PAQR8: variants seen among roughly 807,000 people sequenced by gnomAD.
PAQR8 encodes the protein membrane progestin receptor beta.
In PAQR8, 17 loss-of-function variants were observed where a neutral mutation model predicts 25.2. The ratio of observed to expected loss-of-function variants is 0.67; its 90% confidence interval spans 0.46 to 1.01. PAQR8 has a LOEUF of 1.01. Among genes scored for constraint, PAQR8 ranks in the 50% least tolerant of loss-of-function variants. PAQR8 has a pLI of 0.00. For missense variants in PAQR8, 392 were observed against 448.4 expected, an observed-to-expected ratio of 0.87 and a Z score of 1.14; for synonymous variants, 204 against 190.6, an observed-to-expected ratio of 1.07 and a Z score of -0.58.
rs1054910371 is a variant in PAQR8, at chr6:52,362,479, G to A, written c.-53+230G>A. On this transcript the variant is annotated intron_variant, in intron 1 of 1. Coordinates refer to ENST00000442253, the MANE Select transcript of PAQR8 (RefSeq NM_133367.5). The surrounding 1 kb of genome is among the most constrained non-coding windows in gnomAD (Gnocchi z 4.1). ...TGAGTCTCCGAATCCAAGCCCGGAA[G>A]GGGGGACGACGGGTTAGGATGCTGG... 2.6e-5 allele frequency: 4 copies of A among 152,794 alleles called. No homozygotes were observed. Among genetic ancestry groups the A allele is most frequent in the Admixed American group, 6.5e-5 (1 of 15,294 alleles). The allele number at this position is 152,794 out of a possible 1,614,324, so 9.5% of individuals were successfully genotyped here.
rs1763308821 is a variant in PAQR8, at chr6:52,362,997, G to A, written c.-53+748G>A. Among the ~76,000 whole-genome samples, 2 of 152,080 alleles carry A rather than the reference G, an allele frequency of 1.3e-5. No homozygotes were observed. ...CGCGGTGGGGTGTCGGAGGTGGCTG[G>A]TGGGGCTGGAACGCTGGGAACGTCT... On this transcript the variant is annotated intron_variant, in intron 1 of 1. Transcript: ENST00000442253. The surrounding 1 kb of genome is among the most constrained non-coding windows in gnomAD (Gnocchi z 4.1).
At position 52,403,191 on chromosome 6, in the gene PAQR8, C is replaced by T. The variant is rs376715477; in HGVS notation, c.-23C>T. ...CATACCCTGTCCTGAGGGCGCGGCA[C>T]GGAGTGCATGCGGGCCGCTGCCATG... is the stretch of plus-strand genomic sequence containing the variant. On this transcript the variant is annotated 5_prime_UTR_variant, in exon 2 of 2. The change creates a new upstream start codon in the 5' untranslated region. Transcript: ENST00000442253. 3.8e-6 allele frequency: 6 copies of T among 1,579,332 alleles called. No homozygotes were observed. Among genetic ancestry groups the T allele is most frequent in the African/African-American group, 1.3e-5 (1 of 74,256 alleles).
chr6:52,399,040 T>C (rs919013469), intron 1 of PAQR8, among the ~76,000 whole-genome samples: 2 of 152,208 alleles, frequency 1.3e-5, no homozygotes, highest in African/African-American at 4.8e-5. Flanking sequence ...CTGAGATCTC[T>C]GTGGCTGCAT....
At chr6:52,375,173 C>T (rs1376437910) in intron 1 of PAQR8, among the ~76,000 whole-genome samples, 1 of 152,010 alleles carries the variant, frequency 6.6e-6, no homozygotes, top group African/African-American at 2.4e-5. Context: ...CCACTGTTCC[C>T]TCCTGAGCCC....
At chr6:52,374,032 C>T (rs1763452927) in intron 1 of PAQR8, among the ~76,000 whole-genome samples, 1 of 152,046 alleles carries the variant, frequency 6.6e-6, no homozygotes, top group Non-Finnish European at 1.5e-5. Flanking sequence ...TATGTGACAC[C>T]TCCCCACTCC....
In PAQR8 at chr6:52,403,870, G is replaced by T; in HGVS notation, c.657G>T (p.Leu219=). 2 of 1,614,228 alleles carry T rather than the reference G, an allele frequency of 1.2e-6. No homozygotes were observed. The highest frequency in any genetic ancestry group is 1.7e-6 in the Non-Finnish European group (2 of 1,180,036). Residue 219 remains leucine (L), a synonymous_variant, in exon 2 of 2, where the codon CTG becomes CTT. Coordinates refer to ENST00000442253, the MANE Select transcript of PAQR8 (RefSeq NM_133367.5). Reference sequence around the variant, plus strand: ...TCTGTCAAGTGGTGCCAGCAGGTCTGGCTTTTATCCTAGACATCAGCCCTG... The same window carrying T: ...TCTGTCAAGTGGTGCCAGCAGGTCTTGCTTTTATCCTAGACATCAGCCCTG... The part of the protein sequence containing the change: ...RKICQVVPAG[L]AFILDISPVA...
intron 1 of PAQR8, among the ~76,000 whole-genome samples, chr6:52,368,733 C>T (rs1562426456): frequency 6.6e-6 from 1 of 152,106 alleles, no homozygotes; most frequent in Non-Finnish European, 1.5e-5. Flanking sequence ...CTTTTGCTAC[C>T]ATCCCATGAG....
In PAQR8 at chr6:52,403,401, G is replaced by A. The variant is rs773207579; in HGVS notation, c.188G>A (p.Arg63His). ...TACCGCCCCACGGGGCACGAGTGGC[G>A]CTACTACTTCTTCAGCCTCTTTCAG... ...TGYRPTGHEW[R>H]YYFFSLFQKH... Residue 63 changes from arginine to histidine, a missense_variant, in exon 2 of 2, where the codon CGC becomes CAC. Transcript: ENST00000442253. The A allele has an allele frequency of 2.5e-6, 4 of 1,614,128 alleles. No individual in the cohort carries two copies. The highest frequency in any genetic ancestry group is 1.1e-5 in the South Asian group (1 of 91,096).
At chr6:52,364,700 G>A (rs936654456) in intron 1 of PAQR8, among the ~76,000 whole-genome samples, 1 of 152,202 alleles carries the variant, frequency 6.6e-6, no homozygotes, top group African/African-American at 2.4e-5. Flanking sequence ...TTGGGCTTCC[G>A]AGGTGGGGAA....
intron 1 of PAQR8, among the ~76,000 whole-genome samples, chr6:52,371,506 A>G (rs1468055073): frequency 1.3e-5 from 2 of 152,192 alleles, no homozygotes; most frequent in Non-Finnish European, 2.9e-5. Context: ...TGACAATAAC[A>G]CAGTGATCCA....
intron 1 of PAQR8, among the ~76,000 whole-genome samples, chr6:52,386,508 A>T (rs1162722245): frequency 6.6e-6 from 1 of 152,246 alleles, no homozygotes; most frequent in Non-Finnish European, 1.5e-5. Context: ...ACATAATGGA[A>T]TACTGTGGAG....
intron 1 of PAQR8, among the ~76,000 whole-genome samples, chr6:52,395,542 C>A (rs1484272192): frequency 6.6e-6 from 1 of 152,144 alleles, no homozygotes; most frequent in African/African-American, 2.4e-5. Context: ...TGTCTTTCAG[C>A]CCAGACCTGA....
chr6:52,379,020 G>A (rs1763519488), intron 1 of PAQR8, among the ~76,000 whole-genome samples: 2 of 148,668 alleles, frequency 1.3e-5, no homozygotes, highest in Admixed American at 6.7e-5. Flanking sequence ...TTGCTTGCAC[G>A]TGGGAGGCAG....
At chr6:52,388,378 G>GA (rs35641291) in intron 1 of PAQR8, among the ~76,000 whole-genome samples, 6,500 of 133,730 alleles carry the variant, frequency 0.049, 180 homozygotes, top group African/African-American at 0.094. Context: ...CCTGTGTCAG[G>GA]AAAAAAAAAA....
chr6:52,390,320 G>C (rs1360344031), intron 1 of PAQR8, among the ~76,000 whole-genome samples: 1 of 152,214 alleles, frequency 6.6e-6, no homozygotes, highest in East Asian at 1.9e-4. Context: ...TCTAGCTAGA[G>C]GGTTCTAGTT....
chr6:52,390,321 G>A (rs1763688819), intron 1 of PAQR8, among the ~76,000 whole-genome samples: 1 of 152,178 alleles, frequency 6.6e-6, no homozygotes, highest in South Asian at 2.1e-4. Context: ...CTAGCTAGAG[G>A]GTTCTAGTTA....
chr6:52,402,714 G>T (rs989891534), intron 1 of PAQR8, among the ~76,000 whole-genome samples: 5 of 152,004 alleles, frequency 3.3e-5, no homozygotes, highest in African/African-American at 1.2e-4. Flanking sequence ...AATTAAAGGA[G>T]GCTCAAAGAA....
chr6:52,381,044 C>T (rs909087816), intron 1 of PAQR8, among the ~76,000 whole-genome samples: 6 of 152,202 alleles, frequency 3.9e-5, no homozygotes, highest in African/African-American at 1.4e-4. Context: ...TCTCCCCCAC[C>T]CTCCTCCTCC....
chr6:52,363,990 T>C (rs1414749102), intron 1 of PAQR8, among the ~76,000 whole-genome samples: 1 of 152,058 alleles, frequency 6.6e-6, no homozygotes, highest in Non-Finnish European at 1.5e-5. Context: ...TAATTATGTA[T>C]GGTAATTATT....
Sources: allele counts gnomAD v4.1 joint callset (sites outside exome capture counted in the v4.1 genomes callset), GRCh38; gene constraint gnomAD v4.1.1; non-coding constraint Gnocchi (gnomAD v3.1); transcripts MANE v1.5; gene names NCBI Gene and HGNC (gene_info 2026-07-23, HGNC 2026-07-21).